Variants in PGR observed in about 807,000 individuals in gnomAD.
The protein encoded by PGR is nuclear receptor subfamily 3 group C member 3.
PGR carries 25 observed loss-of-function variants against 76.1 expected under a neutral mutation model. The observed-to-expected ratio is 0.33, with a 90% CI of 0.24 to 0.46. PGR has a LOEUF of 0.46. Among genes scored for constraint, PGR ranks in the 20% least tolerant of loss-of-function variants. The pLI, the probability that PGR is intolerant of heterozygous loss-of-function variation, is 1.00. For synonymous variants in PGR, 579 were observed against 535.0 expected, an observed-to-expected ratio of 1.08 and a Z score of -1.14; for missense variants, 1,172 against 1,225.3, an observed-to-expected ratio of 0.96 and a Z score of 0.65.
chr11:101,076,556 TGAA>T (rs1174708700), intron 3 of PGR, among the ~76,000 whole-genome samples: 5 of 151,976 alleles, frequency 3.3e-5, no homozygotes, highest in Admixed American at 1.3e-4. Flanking sequence ...AAAGATAAGA[TGAA>T]GAGTCTAGGA....
At chr11:101,119,990 C>T (rs2135500306) in intron 2 of PGR, among the ~76,000 whole-genome samples, 1 of 152,270 alleles carries the variant, frequency 6.6e-6, no homozygotes, top group Middle Eastern at 3.4e-3. Flanking sequence ...TTGAGCTAAT[C>T]CAGTGAAGCA....
chr11:101,031,100 G>C lies in PGR; in HGVS notation c.*8016C>G, dbSNP rs1859336644. 1 of 201,128 alleles carries C rather than the reference G, an allele frequency of 5.0e-6. No homozygotes were observed. Among genetic ancestry groups the C allele is most frequent in the Non-Finnish European group, 1.0e-5 (1 of 97,720 alleles). 12.5% of individuals were successfully genotyped at this position (201,128 alleles called of 1,614,324 possible). A position where few individuals can be genotyped will look rare whatever the true frequency, so the allele number is the denominator to read the frequency against. Reference sequence around the variant, plus strand: ...GGTAAGCCATGGCTCTCCTGAAGGGGCAAGGTGACTCCACAGCAGGGCCAG... The same window carrying C: ...GGTAAGCCATGGCTCTCCTGAAGGGCCAAGGTGACTCCACAGCAGGGCCAG... On this transcript the variant is annotated 3_prime_UTR_variant, in exon 8 of 8. Transcript: ENST00000325455.
chr11:101,111,561 T>A (rs1469150196), intron 2 of PGR, among the ~76,000 whole-genome samples: 1 of 152,174 alleles, frequency 6.6e-6, no homozygotes, highest in African/African-American at 2.4e-5. Flanking sequence ...ACCAAACAGC[T>A]AGCTGAAATG....
At chr11:101,123,680 T>A (rs1565370291) in intron 2 of PGR, among the ~76,000 whole-genome samples, 2 of 152,234 alleles carry the variant, frequency 1.3e-5, no homozygotes, top group Non-Finnish European at 2.9e-5. Context: ...CAAATGTTCA[T>A]ATCTTCCATG....
intron 2 of PGR, among the ~76,000 whole-genome samples, chr11:101,111,071 T>G (rs1218200784): frequency 1.3e-5 from 2 of 152,214 alleles, no homozygotes; most frequent in African/African-American, 2.4e-5. Flanking sequence ...AGCAAAAAAT[T>G]TGTGTGACTT....
In PGR at chr11:101,033,692, G is replaced by A. The variant is rs1240612630; in HGVS notation, c.*5424C>T. Reference sequence around the variant, plus strand: ...ATACTTCAAGGTATAGACTTTTCTGGGGGAGGAGAAAATAAAAGGTATTTT... The same window carrying A: ...ATACTTCAAGGTATAGACTTTTCTGAGGGAGGAGAAAATAAAAGGTATTTT... On this transcript the variant is annotated 3_prime_UTR_variant, in exon 8 of 8. Transcript: ENST00000325455. The A allele has an allele frequency of 1.5e-5, 3 of 202,662 alleles. No homozygotes were observed. The highest frequency in any genetic ancestry group is 6.0e-5 in the Admixed American group (1 of 16,768). The allele number at this position is 202,662 out of a possible 1,614,324, so 12.6% of individuals were successfully genotyped here.
At chr11:101,045,701 A>G (rs919415098) in intron 6 of PGR, among the ~76,000 whole-genome samples, 15 of 146,042 alleles carry the variant, frequency 1.0e-4, no homozygotes, top group Non-Finnish European at 1.1e-4. Context: ...GTGTGTATGT[A>G]TGTATATGTG....
At chr11:101,043,518 C>T (rs758796351) in intron 6 of PGR, among the ~76,000 whole-genome samples, 7 of 152,130 alleles carry the variant, frequency 4.6e-5, no homozygotes, top group Non-Finnish European at 8.8e-5. Flanking sequence ...CCATGAATCA[C>T]GAATGTTCTT....
intron 2 of PGR, among the ~76,000 whole-genome samples, chr11:101,116,995 T>A (rs1408423020): frequency 6.6e-6 from 1 of 152,164 alleles, no homozygotes; most frequent in Non-Finnish European, 1.5e-5. Context: ...CACAATTTGC[T>A]AATCTCTTTT....
chr11:101,047,972 C>A (rs1023491601), intron 6 of PGR, among the ~76,000 whole-genome samples: 7 of 152,120 alleles, frequency 4.6e-5, no homozygotes, highest in African/African-American at 1.7e-4. Context: ...CTGTATTTCC[C>A]AGCTTTTCCT....
chr11:101,081,229 A>C (rs1300056218), intron 3 of PGR, among the ~76,000 whole-genome samples: 2 of 152,106 alleles, frequency 1.3e-5, no homozygotes, highest in Non-Finnish European at 1.5e-5. Context: ...GGAGTTCAAG[A>C]CCAGCCTGGC....
chr11:101,061,936 C>A (rs1364472877), intron 4 of PGR, among the ~76,000 whole-genome samples: 1 of 152,116 alleles, frequency 6.6e-6, no homozygotes, highest in East Asian at 1.9e-4. Flanking sequence ...ACTAGAGATT[C>A]TTTTCTCTGT....
chr11:101,039,133 G>A lies in PGR; in HGVS notation c.2785C>T (p.Leu929Phe). ...GATGACATTCACTTTTTATGAAAGA[G>A]AAGGGGTTTCACCATCCCTGCCAAT... ...KILAGMVKPL[L>F]FHKK Residue 929 changes from leucine (L) to phenylalanine (F), a missense_variant, in exon 8 of 8, where the codon CTC becomes TTC. Leu to Phe is a conservative substitution (Grantham distance 22). Transcript: ENST00000325455. 1 of 1,611,314 alleles carries A rather than the reference G, an allele frequency of 6.2e-7. No homozygotes were observed. Among genetic ancestry groups the A allele is most frequent in the Non-Finnish European group, 8.5e-7 (1 of 1,177,994 alleles).
chr11:101,038,967 C>T lies in PGR; in HGVS notation c.*149G>A. ...CTTTATAAAAGAAAATAATTAGAACCTCACAATTTTTCTTTTAAATTTACA... is the reference window on the plus strand; with the variant it reads ...CTTTATAAAAGAAAATAATTAGAACTTCACAATTTTTCTTTTAAATTTACA... On this transcript the variant is annotated 3_prime_UTR_variant, in exon 8 of 8. Transcript: ENST00000325455. The T allele has an allele frequency of 1.7e-6, 1 of 574,046 alleles. No individual in the cohort carries two copies. The highest frequency in any genetic ancestry group is 3.1e-6 in the Non-Finnish European group (1 of 327,364). The allele number at this position is 574,046 out of a possible 1,614,324, so 35.6% of individuals were successfully genotyped here. A position where few individuals can be genotyped will look rare whatever the true frequency, so the allele number is the denominator to read the frequency against.
chr11:101,118,855 A>G (rs1354510116), intron 2 of PGR, among the ~76,000 whole-genome samples: 1 of 152,226 alleles, frequency 6.6e-6, no homozygotes, highest in Non-Finnish European at 1.5e-5. Flanking sequence ...GTAGATAGGG[A>G]AGATATACAG....
At position 101,128,527 on chromosome 11, in the gene PGR, G is replaced by A. The variant is rs1454396105; in HGVS notation, c.544C>T (p.His182Tyr). The part of the protein sequence containing the change: ...VGDSSGTAAA[H>Y]KVLPRGLSPA... ...GACAGGCCCCGGGGCAGCACTTTAT[G>A]GGCAGCTGCCGTCCCGGAGCTGTCT... The change falls in exon 1 of 8, where the codon CAT becomes TAT. Residue 182 changes from histidine to tyrosine, a missense_variant. Around this residue, in one of 4 missense-constraint regions of PGR, gnomAD observed 893 missense variants for 785.9 expected, o/e 1.14. Transcript: ENST00000325455. 1 of 1,601,136 alleles carries A rather than the reference G, an allele frequency of 6.2e-7. No homozygotes were observed. The highest frequency in any genetic ancestry group is 8.5e-7 in the Non-Finnish European group (1 of 1,177,212).
intron 3 of PGR, among the ~76,000 whole-genome samples, chr11:101,077,659 A>G (rs184494320): frequency 5.9e-5 from 9 of 152,254 alleles, no homozygotes; most frequent in Non-Finnish European, 1.2e-4. Flanking sequence ...AACACAGAAA[A>G]ATTTTAAGCA....
chr11:101,127,293 T>C, intron 1 of PGR, 141 bp downstream of exon 1: 1 of 530,918 alleles, frequency 1.9e-6, no homozygotes, highest in Non-Finnish European at 3.2e-6. Context: ...GCCCCTGTGC[T>C]GTGTCCCGCT....
chr11:101,091,686 T>C (rs1861679100), intron 3 of PGR, 74 bp downstream of exon 3: 1 of 839,418 alleles, frequency 1.2e-6, no homozygotes, highest in South Asian at 1.3e-5. Context: ...GAATAAGAAA[T>C]TGCAATTTTC....
Sources: gnomAD v4.1 joint callset for allele counts (sites outside exome capture counted in the v4.1 genomes callset) on GRCh38, gnomAD v4.1.1 for gene constraint, gnomAD v4.1.1 regional missense constraint, MANE v1.5 for transcripts, NCBI Gene and HGNC (gene_info 2026-07-23, HGNC 2026-07-21) for gene names.